The following WNT6 variants were observed in gnomAD, a reference collection of about 807,000 sequenced individuals.
WNT6 encodes protein Wnt-6.
WNT6 carries 27 observed loss-of-function variants against 33.1 expected under a neutral mutation model. That is an observed-to-expected ratio of 0.82 (90% CI 0.60 to 1.12). The LOEUF (loss-of-function observed/expected upper bound fraction) is 1.12, where lower values mean the gene tolerates loss of function less well. Ranked by LOEUF, WNT6 falls within the 50% of genes most tolerant of loss-of-function variation. WNT6 has a pLI of 0.00. For synonymous variants in WNT6, 249 were observed against 242.8 expected (o/e 1.03, Z -0.24); for missense variants, 494 against 535.3 (o/e 0.92, Z 0.76).
At chr2:218,860,923 C>G (rs937700384) in intron 1 of WNT6, among the ~76,000 whole-genome samples, 1 of 151,928 alleles carries the variant, frequency 6.6e-6, no homozygotes, top group Admixed American at 6.5e-5. Context: ...GGAGGGTGCC[C>G]GACCGGGACG....
chr2:218,862,736 C>T (rs1018109066), intron 1 of WNT6, among the ~76,000 whole-genome samples: 3 of 151,806 alleles, frequency 2.0e-5, no homozygotes, highest in South Asian at 2.1e-4. Flanking sequence ...GACGGAGTCT[C>T]GTTGTGTCGC....
chr2:218,863,497 C>G (rs915016767), intron 1 of WNT6, among the ~76,000 whole-genome samples: 9 of 152,172 alleles, frequency 5.9e-5, no homozygotes, highest in Non-Finnish European at 1.3e-4. Flanking sequence ...TGAGAAGTTT[C>G]TCTCCCACCT....
chr2:218,870,623 C>T (rs958933057), intron 1 of WNT6, among the ~76,000 whole-genome samples: 1 of 152,220 alleles, frequency 6.6e-6, no homozygotes, highest in Admixed American at 6.5e-5. Context: ...TGTCTCTTGA[C>T]GACACATGAA....
rs766789342 is a variant in WNT6 at position 218,871,767 on chromosome 2, G to C, written c.584G>C (p.Arg195Pro). 1 of 1,602,370 alleles carries C rather than the reference G, an allele frequency of 6.2e-7. No homozygotes were observed. The highest frequency in any genetic ancestry group is 1.4e-5 in the African/African-American group (1 of 73,636). ...LFMDARHKRGRGDIRALVQLH... is the reference protein window; with the variant it reads ...LFMDARHKRGPGDIRALVQLH... ...ATGGACGCGCGGCACAAGCGGGGACGCGGAGACATCCGCGCGTTGGTGCAA... is the reference window on the plus strand; with the variant it reads ...ATGGACGCGCGGCACAAGCGGGGACCCGGAGACATCCGCGCGTTGGTGCAA... Residue 195 changes from arginine to proline, a missense_variant, in exon 3 of 4, where the codon CGC becomes CCC. Transcript: ENST00000233948. The surrounding 1 kb of genome is among the most constrained non-coding windows in gnomAD (Gnocchi z 6.4).
chr2:218,863,338 C>T (rs1944326766), intron 1 of WNT6, among the ~76,000 whole-genome samples: 3 of 152,326 alleles, frequency 2.0e-5, no homozygotes, highest in Admixed American at 2.0e-4. Flanking sequence ...AAAGCAGCTG[C>T]AGCAGCCTCC....
Position 218,860,109 on chromosome 2 carries a change from A to C in WNT6, c.72A>C (p.Gly24=). 1 of 1,523,374 alleles carries C rather than the reference A, an allele frequency of 6.6e-7. No individual in the cohort carries two copies. The highest frequency in any genetic ancestry group is 8.8e-7 in the Non-Finnish European group (1 of 1,139,840). The allele number at this position is 1,523,374 out of a possible 1,614,324, so 94.4% of individuals were successfully genotyped here. Residue 24 remains glycine, a synonymous_variant, in exon 1 of 4, where the codon GGA becomes GGC. Transcript: ENST00000233948. ...TCCTGTGCCCGGCGCACGTCGGCGG[A>C]CTGTGGTGGTGAGTCCGGCTGTCCT... ...LLLLCPAHVG[G]LWWAVGSPLV...
rs781266896 is a variant in WNT6, at chr2:218,873,059, C to T, written c.637-325C>T. Among the ~76,000 whole-genome samples the T allele has an allele frequency of 7.9e-5, 12 of 152,096 alleles. No individual in the cohort carries two copies. Among genetic ancestry groups the T allele is most frequent in the Non-Finnish European group, 7.4e-5 (5 of 68,008 alleles). Reference sequence around the variant, plus strand: ...TTCGACAGCTGCCACCTCTCCCCTCCTCCAAAGAGAATCTCACCCCTGCTG... The same window carrying T: ...TTCGACAGCTGCCACCTCTCCCCTCTTCCAAAGAGAATCTCACCCCTGCTG... On this transcript the variant is annotated intron_variant, in intron 3 of 3. Coordinates refer to ENST00000233948, the MANE Select transcript of WNT6 (RefSeq NM_006522.4). This position sits in a 1 kb window ranked among gnomAD's most constrained non-coding sequence, Gnocchi z 6.1.
Position 218,871,415 on chromosome 2 carries a change from G to A in WNT6, c.302-70G>A, listed in dbSNP as rs184176463. 115 of 1,542,184 alleles carry A rather than the reference G, an allele frequency of 7.5e-5. 1 individual carries two copies. In the African/African-American group the frequency reaches 1.3e-3, roughly 18 times the overall value. ...AGGCCCCTGGGGCAGCCCTCCCGCCGCAGGTTTCAGGTCCCAGGCCCCAGC... is the reference window on the plus strand; with the variant it reads ...AGGCCCCTGGGGCAGCCCTCCCGCCACAGGTTTCAGGTCCCAGGCCCCAGC... On this transcript the variant is annotated intron_variant, in intron 2 of 3. Coordinates refer to ENST00000233948, the MANE Select transcript of WNT6 (RefSeq NM_006522.4). The surrounding 1 kb of genome is among the most constrained non-coding windows in gnomAD (Gnocchi z 6.4).
At chr2:218,865,936 G>T (rs2106003296) in intron 1 of WNT6, among the ~76,000 whole-genome samples, 1 of 151,714 alleles carries the variant, frequency 6.6e-6, no homozygotes, top group South Asian at 2.1e-4. Context: ...TGGGGTGGCT[G>T]GGGGGGCAGT....
Position 218,871,635 on chromosome 2 carries a change from C to G in WNT6, c.452C>G (p.Thr151Ser). 1 of 1,477,426 alleles carries G rather than the reference C, an allele frequency of 6.8e-7. No homozygotes were observed. The highest frequency in any genetic ancestry group is 8.9e-7 in the Non-Finnish European group (1 of 1,118,542). The allele number at this position is 1,477,426 out of a possible 1,614,324, so 91.5% of individuals were successfully genotyped here. Residue 151 changes from threonine (T) to serine (S), a missense_variant, in exon 3 of 4, where the codon ACC becomes AGC. By Grantham distance (58) the Thr-to-Ser change is moderately conservative (BLOSUM62 1). Coordinates refer to ENST00000233948, the MANE Select transcript of WNT6 (RefSeq NM_006522.4). The surrounding 1 kb of genome is among the most constrained non-coding windows in gnomAD (Gnocchi z 6.4). ...CCCCGGCCCTCCGGCCTGCCCGGCACCCCCGGACCCCCTGGCCCCGCGGGC... is the reference window on the plus strand; with the variant it reads ...CCCCGGCCCTCCGGCCTGCCCGGCAGCCCCGGACCCCCTGGCCCCGCGGGC... ...APPRPSGLPG[T>S]PGPPGPAGSP...
At position 218,860,018 on chromosome 2, in the gene WNT6, G is replaced by A. The variant is rs1025181921; in HGVS notation, c.-20G>A. ...GCAGCCTCGCCCCCTGCCCACCCGG[G>A]CGGCCGTAGGGCGGTCACGATGCTG... On this transcript the variant is annotated 5_prime_UTR_variant, in exon 1 of 4. Transcript: ENST00000233948. 35 of 1,433,048 alleles carry A rather than the reference G, an allele frequency of 2.4e-5. No homozygotes were observed. Among genetic ancestry groups the A allele is most frequent in the African/African-American group, 3.0e-5 (2 of 67,636 alleles). The allele number at this position is 1,433,048 out of a possible 1,614,324, so 88.8% of individuals were successfully genotyped here.
Position 218,873,666 on chromosome 2 carries a change from G to T in WNT6, c.919G>T (p.Gly307Cys). 3 of 1,582,140 alleles carry T rather than the reference G, an allele frequency of 1.9e-6. No individual in the cohort carries two copies. Among genetic ancestry groups the T allele is most frequent in the Non-Finnish European group, 1.7e-6 (2 of 1,171,536 alleles). Residue 307 changes from glycine (G) to cysteine (C), a missense_variant, in exon 4 of 4, where the codon GGT (glycine) becomes TGT (cysteine). Coordinates refer to ENST00000233948, the MANE Select transcript of WNT6 (RefSeq NM_006522.4). This position sits in a 1 kb window ranked among gnomAD's most constrained non-coding sequence, Gnocchi z 6.1. ...NRRTGSPGTR[G>C]RACNSSAPDL... is the part of the protein sequence containing the mutation. The stretch of plus-strand genomic sequence containing the variant: ...ACGCACCGGCTCCCCCGGCACGCGC[G>T]GTCGCGCCTGCAATAGCAGCGCCCC...
intron 1 of WNT6, among the ~76,000 whole-genome samples, chr2:218,865,575 G>A (rs1944347697): frequency 1.3e-5 from 2 of 152,176 alleles, no homozygotes; most frequent in African/African-American, 2.4e-5. Flanking sequence ...CTGGCCACCC[G>A]GAATGCAGGC....
At chr2:218,864,320 T>G (rs931908588) in intron 1 of WNT6, among the ~76,000 whole-genome samples, 1 of 152,040 alleles carries the variant, frequency 6.6e-6, no homozygotes, top group African/African-American at 2.4e-5. Flanking sequence ...AGTGCAGTGG[T>G]GCAATCTCAG....
chr2:218,869,211 T>C (rs1944378452), intron 1 of WNT6, among the ~76,000 whole-genome samples: 1 of 138,262 alleles, frequency 7.2e-6, no homozygotes, highest in Non-Finnish European at 1.5e-5. Context: ...CTTGATTTTG[T>C]GTGTGTGCGT....
chr2:218,872,302 GA>G (rs1944409745), intron 3 of WNT6, among the ~76,000 whole-genome samples: 1 of 152,178 alleles, frequency 6.6e-6, no homozygotes, highest in East Asian at 1.9e-4. Flanking sequence ...GAGAGGCCTA[GA>G]AAGAGTTAGA....
chr2:218,873,510 C>T lies in WNT6; in HGVS notation c.763C>T (p.His255Tyr), dbSNP rs1385396012. ...GGGCGCGCGGCTGCTGGAGCGCTTCCACGGCGCCTCACGCGTCATGGGCAC... is the reference window on the plus strand; with the variant it reads ...GGGCGCGCGGCTGCTGGAGCGCTTCTACGGCGCCTCACGCGTCATGGGCAC... ...EVGARLLERFHGASRVMGTND... is the reference protein window; with the variant it reads ...EVGARLLERFYGASRVMGTND... Residue 255 changes from histidine to tyrosine, a missense_variant, in exon 4 of 4, where the codon CAC (histidine) becomes TAC (tyrosine). His to Tyr is a moderately conservative substitution (Grantham distance 83). Coordinates refer to ENST00000233948, the MANE Select transcript of WNT6 (RefSeq NM_006522.4). This position sits in a 1 kb window ranked among gnomAD's most constrained non-coding sequence, Gnocchi z 6.1. 1 of 1,538,368 alleles carries T rather than the reference C, an allele frequency of 6.5e-7. No homozygotes were observed. Among genetic ancestry groups the T allele is most frequent in the Non-Finnish European group, 8.7e-7 (1 of 1,146,452 alleles).
chr2:218,869,752 C>T (rs150317277), intron 1 of WNT6, among the ~76,000 whole-genome samples: 53 of 152,300 alleles, frequency 3.5e-4, no homozygotes, highest in African/African-American at 1.0e-3. Flanking sequence ...TATACCAAAA[C>T]CAAATGTCAG....
intron 1 of WNT6, among the ~76,000 whole-genome samples, chr2:218,869,596 G>A (rs983635186): frequency 1.1e-4 from 16 of 151,786 alleles, no homozygotes; most frequent in Non-Finnish European, 1.9e-4. Context: ...AGAGCTTTTG[G>A]GTGGTCTCTA....
Sources: gnomAD v4.1 joint callset for allele counts (sites outside exome capture counted in the v4.1 genomes callset) on GRCh38, gnomAD v4.1.1 for gene constraint, Gnocchi (gnomAD v3.1) non-coding constraint, MANE v1.5 for transcripts, NCBI Gene and HGNC (gene_info 2026-07-23, HGNC 2026-07-21) for gene names.